The following WDR72 variants were observed in gnomAD, a reference collection of about 807,000 sequenced individuals.
The protein encoded by WDR72 is WD repeat domain 72.
Under a neutral mutation model 124.2 loss-of-function variants are expected in WDR72, and 120 were observed. The ratio of observed to expected loss-of-function variants is 0.97; its 90% CI spans 0.83 to 1.12. WDR72 has a LOEUF of 1.12. WDR72 is among the 50% of genes most tolerant of loss of function. The pLI, the probability that WDR72 is intolerant of heterozygous loss-of-function variation, is 0.00. For missense variants in WDR72, 1,387 were observed against 1,278.8 expected, an observed-to-expected ratio of 1.08 and a Z score of -1.29; for synonymous variants, 452 against 441.7, an observed-to-expected ratio of 1.02 and a Z score of -0.29.
rs117143575 is a variant in WDR72, at chr15:53,727,536, G to A, written c.154-4628C>T. ...TTAGAATCCTGCACAATTCAAGTTC[G>A]CGCTACCTTTTTCCTGAGAAGTCCA... On this transcript the variant is annotated intron_variant, in intron 2 of 19. Transcript: ENST00000360509. Among the ~76,000 whole-genome samples, 124 of 152,216 alleles carry A rather than the reference G, an allele frequency of 8.1e-4. 1 individual carries two copies. In the East Asian group the frequency reaches 8.9e-3, roughly 11 times the overall value.
intron 14 of WDR72, among the ~76,000 whole-genome samples, chr15:53,627,378 T>G (rs1467710303): frequency 1.3e-5 from 2 of 152,174 alleles, no homozygotes; most frequent in Non-Finnish European, 2.9e-5. Flanking sequence ...CTCCTTGCCT[T>G]ATAACATAAA....
intron 14 of WDR72, among the ~76,000 whole-genome samples, chr15:53,662,556 G>A (rs890764856): frequency 9.2e-5 from 14 of 152,108 alleles, no homozygotes; most frequent in African/African-American, 3.1e-4. Context: ...GAAATACAAA[G>A]TAACCTTTAA....
intron 18 of WDR72, among the ~76,000 whole-genome samples, chr15:53,535,524 C>G (rs1270251687): frequency 6.6e-6 from 1 of 152,122 alleles, no homozygotes; most frequent in Non-Finnish European, 1.5e-5. Flanking sequence ...CCCTAAAGGT[C>G]TTAGATAGGA....
chr15:53,662,652 T>G (rs2015645653), intron 14 of WDR72, among the ~76,000 whole-genome samples: 1 of 152,160 alleles, frequency 6.6e-6, no homozygotes, highest in African/African-American at 2.4e-5. Flanking sequence ...TTAAAATTAA[T>G]TTTTTTCTTA....
At chr15:53,643,678 G>A (rs1291876203) in intron 14 of WDR72, among the ~76,000 whole-genome samples, 1 of 151,980 alleles carries the variant, frequency 6.6e-6, no homozygotes, top group East Asian at 1.9e-4. Flanking sequence ...GCTAGTCTCA[G>A]AATAATCCCA....
At chr15:53,733,775 T>A (rs1335778435) in intron 1 of WDR72, among the ~76,000 whole-genome samples, 1 of 152,224 alleles carries the variant, frequency 6.6e-6, no homozygotes, top group Non-Finnish European at 1.5e-5. Context: ...TACATTCATA[T>A]GTTAGTTACA....
Position 53,615,487 on chromosome 15 carries a change from T to C in WDR72, c.2719A>G (p.Arg907Gly). Residue 907 changes from arginine to glycine, a missense_variant, in exon 15 of 20, where the codon AGA (arginine) becomes GGA (glycine). Transcript: ENST00000360509. ...ESDTIVYLLS[R>G]LFLVNKLVNM... Reference sequence around the variant, plus strand: ...ACTAATTTATTAACTAAAAATAGTCTGCTCAACAAATAAACTATAGTATCT... The same window carrying C: ...ACTAATTTATTAACTAAAAATAGTCCGCTCAACAAATAAACTATAGTATCT... The C allele has an allele frequency of 1.2e-6, 2 of 1,612,522 alleles. No homozygotes were observed. Among genetic ancestry groups the C allele is most frequent in the Non-Finnish European group, 1.7e-6 (2 of 1,179,250 alleles).
intron 13 of WDR72, among the ~76,000 whole-genome samples, chr15:53,668,327 TAGAC>T (rs1225158515): frequency 2.6e-5 from 4 of 152,352 alleles, no homozygotes; most frequent in South Asian, 2.1e-4. Flanking sequence ...GTAAAAGATA[TAGAC>T]AGACAGATAA....
chr15:53,533,782 A>C (rs981778592), intron 18 of WDR72, among the ~76,000 whole-genome samples: 6 of 152,142 alleles, frequency 3.9e-5, no homozygotes, highest in Non-Finnish European at 8.8e-5. Flanking sequence ...TATCCCCTCT[A>C]ACATCAATCT....
chr15:53,723,607 A>G (rs978068493), intron 2 of WDR72, among the ~76,000 whole-genome samples: 6 of 152,164 alleles, frequency 3.9e-5, no homozygotes, highest in African/African-American at 1.4e-4. Flanking sequence ...CTCATTATCC[A>G]TGGGGGACTG....
intron 18 of WDR72, among the ~76,000 whole-genome samples, chr15:53,591,925 A>G (rs2012527990): frequency 1.3e-5 from 2 of 152,074 alleles, no homozygotes; most frequent in South Asian, 4.1e-4. Context: ...AAACAGGTAC[A>G]CTTGAAACTG....
chr15:53,631,044 A>G (rs536833558), intron 14 of WDR72, among the ~76,000 whole-genome samples: 4 of 152,316 alleles, frequency 2.6e-5, no homozygotes, highest in Middle Eastern at 3.4e-3. Flanking sequence ...TAGAAAATTG[A>G]TATTTTTTGG....
intron 16 of WDR72, among the ~76,000 whole-genome samples, chr15:53,610,216 T>C (rs1399211495): frequency 6.6e-6 from 1 of 152,174 alleles, no homozygotes; most frequent in Non-Finnish European, 1.5e-5. Flanking sequence ...CAGTGTGAAA[T>C]TTTAAGAATG....
rs145077063 is a variant in WDR72 at position 53,605,522 on chromosome 15, C to T, written c.2952+3991G>A. ...TTTTAAAAAAGTAAAATCAAGCTAA[C>T]ATAATTCAACTAACTGCTTAAATGA... is the stretch of plus-strand genomic sequence containing the variant. On this transcript the variant is annotated intron_variant, in intron 17 of 19. Transcript: ENST00000360509. Among the ~76,000 whole-genome samples, 183 of 152,328 alleles carry T rather than the reference C, an allele frequency of 1.2e-3. 3 individuals are homozygous for T. The East Asian group carries it at 0.021, about 18-fold the overall frequency.
intron 14 of WDR72, among the ~76,000 whole-genome samples, chr15:53,646,781 C>T (rs563376348): frequency 5.3e-5 from 8 of 151,510 alleles, no homozygotes; most frequent in African/African-American, 9.7e-5. Flanking sequence ...TGATAGAAAA[C>T]GTCAAATAAA....
intron 1 of WDR72, among the ~76,000 whole-genome samples, chr15:53,754,743 A>C (rs2140900935): frequency 6.6e-6 from 1 of 152,278 alleles, no homozygotes; most frequent in South Asian, 2.1e-4. Flanking sequence ...AATTCACCAC[A>C]ATCAGAGAGA....
At chr15:53,546,713 A>G (rs1893485630) in intron 18 of WDR72, among the ~76,000 whole-genome samples, 1 of 148,538 alleles carries the variant, frequency 6.7e-6, no homozygotes, top group Non-Finnish European at 1.5e-5. Flanking sequence ...TACTTTTAAC[A>G]AAATAATCAA....
intron 2 of WDR72, among the ~76,000 whole-genome samples, chr15:53,728,349 T>G (rs1488190704): frequency 6.6e-6 from 1 of 152,142 alleles, no homozygotes; most frequent in Non-Finnish European, 1.5e-5. Flanking sequence ...TCCCACAACA[T>G]GTGGGAATTG....
intron 14 of WDR72, among the ~76,000 whole-genome samples, chr15:53,618,109 C>T (rs982437983): frequency 6.6e-6 from 1 of 151,900 alleles, no homozygotes; most frequent in South Asian, 2.1e-4. Context: ...TAACAAAGTG[C>T]CTCCATTTGG....
Sources: allele counts gnomAD v4.1 joint callset (sites outside exome capture counted in the v4.1 genomes callset), GRCh38; gene constraint gnomAD v4.1.1; transcripts MANE v1.5; gene names NCBI Gene and HGNC (gene_info 2026-07-23, HGNC 2026-07-21).